The following DLG2 variants were observed in gnomAD, a reference collection of about 807,000 sequenced individuals.
The protein encoded by DLG2 is discs large MAGUK scaffold protein 2, also known as disks large homolog 2.
A neutral mutation model predicts 132.5 loss-of-function variants in DLG2; 45 were observed. That is an observed-to-expected ratio of 0.34 (90% confidence interval 0.27 to 0.44). The LOEUF (loss-of-function observed/expected upper bound fraction) is 0.44, where lower values mean the gene tolerates loss of function less well. DLG2 is among the 20% of genes least tolerant of loss of function. The pLI, the probability that DLG2 is intolerant of heterozygous loss-of-function variation, is 1.00. For missense variants in DLG2, 1,045 were observed against 1,196.9 expected (o/e 0.87, Z 1.87); for synonymous variants, 424 against 419.6 (o/e 1.01, Z -0.13).
chr11:84,657,842 T>C (rs1175082581), intron 6 of DLG2, among the ~76,000 whole-genome samples: 2 of 152,194 alleles, frequency 1.3e-5, no homozygotes, highest in Non-Finnish European at 2.9e-5. Context: ...TAGTTGTTTA[T>C]TGTCTAGCAT....
At chr11:84,039,470 T>C (rs1056926079) in intron 11 of DLG2, among the ~76,000 whole-genome samples, 3 of 120,376 alleles carry the variant, frequency 2.5e-5, no homozygotes, top group Non-Finnish European at 5.3e-5. Flanking sequence ...ATATGTGGTG[T>C]TTGGTTTTTT....
chr11:83,581,948 C>CT (rs71849863), intron 19 of DLG2, among the ~76,000 whole-genome samples: 21,312 of 51,144 alleles, frequency 0.42, 5,509 homozygotes, highest in South Asian at 0.46. Context: ...AGTTTGGACT[C>CT]TTTTTTTTTT....
At chr11:85,430,551 T>G (rs2153011864) in intron 3 of DLG2, among the ~76,000 whole-genome samples, 1 of 152,246 alleles carries the variant, frequency 6.6e-6, no homozygotes, top group Admixed American at 6.5e-5. Flanking sequence ...AAAATGGAGA[T>G]ATTAATGATA....
intron 6 of DLG2, among the ~76,000 whole-genome samples, chr11:84,569,459 A>G (rs534894930): frequency 1.6e-4 from 24 of 152,250 alleles, no homozygotes; most frequent in Non-Finnish European, 3.1e-4. Flanking sequence ...TCAGTGAACA[A>G]TAAGATTATA....
chr11:84,611,024 T>TAC (rs10587472), intron 6 of DLG2, among the ~76,000 whole-genome samples: 62,214 of 137,774 alleles, frequency 0.45, 14,459 homozygotes, highest in East Asian at 0.6. Flanking sequence ...TTAGATGACA[T>TAC]ACACACACAC....
At chr11:84,212,186 G>A (rs1056294339) in intron 8 of DLG2, among the ~76,000 whole-genome samples, 7 of 152,096 alleles carry the variant, frequency 4.6e-5, no homozygotes, top group Middle Eastern at 3.2e-3. Context: ...TCTTTCTTTG[G>A]GTTATTACCT....
At chr11:85,304,334 G>A (rs1013428748) in intron 3 of DLG2, among the ~76,000 whole-genome samples, 1 of 152,070 alleles carries the variant, frequency 6.6e-6, no homozygotes. Context: ...TGAAGAGATT[G>A]GGTAGAAACT....
At chr11:83,841,626 T>C (rs1432984623) in intron 16 of DLG2, among the ~76,000 whole-genome samples, 3 of 152,262 alleles carry the variant, frequency 2.0e-5, no homozygotes, top group Admixed American at 6.5e-5. Flanking sequence ...CGTTGGCATT[T>C]GCTTTTTGTC....
At chr11:84,790,688 A>G (rs868356804) in intron 6 of DLG2, among the ~76,000 whole-genome samples, 5 of 152,154 alleles carry the variant, frequency 3.3e-5, no homozygotes, top group South Asian at 2.1e-4. Context: ...GGTTTCCCTT[A>G]TGTTTCCTTG....
At chr11:84,083,699 T>A (rs1387744729) in intron 10 of DLG2, among the ~76,000 whole-genome samples, 1 of 152,190 alleles carries the variant, frequency 6.6e-6, no homozygotes, top group Admixed American at 6.5e-5. Flanking sequence ...AGGGATGGCC[T>A]TTGTCAGATG....
At chr11:84,836,842 C>G (rs975219095) in intron 6 of DLG2, among the ~76,000 whole-genome samples, 1 of 150,938 alleles carries the variant, frequency 6.6e-6, no homozygotes, top group Non-Finnish European at 1.5e-5. Flanking sequence ...TTAATTTATA[C>G]CCAGTGTCCA....
chr11:84,961,430 A>G (rs900890384), intron 6 of DLG2, among the ~76,000 whole-genome samples: 4 of 151,974 alleles, frequency 2.6e-5, no homozygotes, highest in African/African-American at 9.7e-5. Context: ...TCCTACATAC[A>G]GGCCCAACCT....
Position 84,402,881 on chromosome 11 carries a change from C to CAAAAAAAAAAAAAAAAAAAAAAAAA in DLG2, c.519+131688_519+131689insTTTTTTTTTTTTTTTTTTTTTTTTT, listed in dbSNP as rs34476380. On this transcript the variant is annotated intron_variant, in intron 7 of 27. Coordinates refer to ENST00000376104, the MANE Select transcript of DLG2 (RefSeq NM_001142699.3). ...TGGGCGACAGAGCGAAACTCCGTCT[C>CAAAAAAAAAAAAAAAAAAAAAAAAA]AAAAAAAAAAAAAAAAAAAATTAAC... Among the ~76,000 whole-genome samples the CAAAAAAAAAAAAAAAAAAAAAAAAA allele has an allele frequency of 5.6e-4, 41 of 73,870 alleles. 3 individuals carry two copies. Among genetic ancestry groups the CAAAAAAAAAAAAAAAAAAAAAAAAA allele is most frequent in the African/African-American group, 2.6e-3 (25 of 9,546 alleles). 48.5% of individuals were successfully genotyped at this position (73,870 alleles called of 152,430 possible).
intron 7 of DLG2, among the ~76,000 whole-genome samples, chr11:84,365,099 C>A (rs1019946882): frequency 1.3e-5 from 2 of 152,106 alleles, no homozygotes; most frequent in African/African-American, 4.8e-5. Flanking sequence ...ACCAGTTTCT[C>A]CTTGTACCTC....
chr11:83,977,148 A>C (rs1382298901), intron 12 of DLG2, among the ~76,000 whole-genome samples: 2 of 152,008 alleles, frequency 1.3e-5, no homozygotes, highest in Admixed American at 6.6e-5. Context: ...TACCAAAGAA[A>C]GTGGGTTATT....
intron 6 of DLG2, among the ~76,000 whole-genome samples, chr11:84,949,462 A>C (rs186688381): frequency 2.7e-5 from 4 of 148,674 alleles, no homozygotes; most frequent in Non-Finnish European, 5.9e-5. Flanking sequence ...TGGGAGCGCT[A>C]TGGGAGACTG....
At chr11:83,571,579 C>T (rs867027227) in intron 19 of DLG2, among the ~76,000 whole-genome samples, 5 of 131,786 alleles carry the variant, frequency 3.8e-5, no homozygotes, top group East Asian at 2.3e-4. Flanking sequence ...GTTATTCGAG[C>T]GAGACTCCGT....
chr11:84,469,512 G>A (rs2099103118), intron 7 of DLG2, among the ~76,000 whole-genome samples: 1 of 151,566 alleles, frequency 6.6e-6, no homozygotes, highest in African/African-American at 2.4e-5. Context: ...ACAAATCCTT[G>A]CAGTAGACAT....
chr11:84,519,107 CT>C (rs1565173822), intron 7 of DLG2, among the ~76,000 whole-genome samples: 1 of 152,130 alleles, frequency 6.6e-6, no homozygotes, highest in East Asian at 1.9e-4. Flanking sequence ...GAGTTAGCTA[CT>C]CTTAAAATTT....
Sources: gnomAD v4.1 joint callset for allele counts (sites outside exome capture counted in the v4.1 genomes callset) on GRCh38, gnomAD v4.1.1 for gene constraint, MANE v1.5 for transcripts, NCBI Gene and HGNC (gene_info 2026-07-23, HGNC 2026-07-21) for gene names.